MEF2A: variants seen among roughly 807,000 people sequenced by gnomAD.
MEF2A encodes the protein myocyte-specific enhancer factor 2A.
In MEF2A, 28 loss-of-function variants were observed where a neutral mutation model predicts 55.8. That is an observed-to-expected ratio of 0.50 (90% CI 0.37 to 0.69). MEF2A has a LOEUF of 0.69. Among genes scored for constraint, MEF2A ranks in the 30% least tolerant of loss-of-function variants. The pLI is 0.00. For missense variants in MEF2A, 528 were observed against 626.2 expected, an observed-to-expected ratio of 0.84 and a Z score of 1.67; for synonymous variants, 239 against 227.1, an observed-to-expected ratio of 1.05 and a Z score of -0.47.
intron 7 of MEF2A, chr15:99,678,707 A>T (rs898041223): frequency 2.0e-6 from 2 of 979,062 alleles, no homozygotes; most frequent in African/African-American, 3.5e-5. Flanking sequence ...GAACGAACTC[A>T]GGAAAGGCAA....
In MEF2A at chr15:99,714,635, C is replaced by T. The variant is rs964982819; in HGVS notation, c.*1864C>T. ...AACTAATGGATGATAGCAAGTTCAT[C>T]CACTTACTGGGCTTGTGCCATGAGC... On this transcript the variant is annotated 3_prime_UTR_variant, in exon 12 of 12. Coordinates refer to ENST00000557942, the MANE Select transcript of MEF2A (RefSeq NM_001319206.4). 4 of 152,146 alleles carry T rather than the reference C, an allele frequency of 2.6e-5. No homozygotes were observed. The highest frequency in any genetic ancestry group is 4.8e-5 in the African/African-American group (2 of 41,426). 9.4% of individuals were successfully genotyped at this position (152,146 alleles called of 1,614,324 possible).
intron 2 of MEF2A, among the ~76,000 whole-genome samples, chr15:99,620,383 A>G (rs559273678): frequency 1.2e-4 from 18 of 152,282 alleles, no homozygotes; most frequent in Admixed American, 1.1e-3. Context: ...GTTGTTCTCA[A>G]CTTTGTGTCT....
At chr15:99,668,544 G>A (rs955598542) in intron 4 of MEF2A, among the ~76,000 whole-genome samples, 4 of 152,194 alleles carry the variant, frequency 2.6e-5, no homozygotes, top group Admixed American at 6.5e-5. Context: ...CTTTAGAATG[G>A]ATTATAATGA....
Position 99,713,111 on chromosome 15 carries a change from C to G in MEF2A, c.*340C>G, listed in dbSNP as rs2058841787. 2 of 435,950 alleles carry G rather than the reference C, an allele frequency of 4.6e-6. No individual in the cohort carries two copies. Among genetic ancestry groups the G allele is most frequent in the Non-Finnish European group, 4.0e-6 (1 of 247,314 alleles). The allele number at this position is 435,950 out of a possible 1,614,324, so 27.0% of individuals were successfully genotyped here. The stretch of plus-strand genomic sequence containing the variant: ...GAAACGTGTACCCATATATAATTCT[C>G]CCACACTAGCTTGCAGAAACCTAGA... On this transcript the variant is annotated 3_prime_UTR_variant, in exon 12 of 12. Coordinates refer to ENST00000557942, the MANE Select transcript of MEF2A (RefSeq NM_001319206.4).
intron 3 of MEF2A, among the ~76,000 whole-genome samples, chr15:99,644,428 T>C (rs1397666479): frequency 1.3e-5 from 2 of 152,354 alleles, no homozygotes; most frequent in East Asian, 3.9e-4. Flanking sequence ...CATGTACGTA[T>C]TGTATCTGTA....
intron 2 of MEF2A, among the ~76,000 whole-genome samples, chr15:99,606,982 C>G (rs1202531380): frequency 6.6e-6 from 1 of 152,092 alleles, no homozygotes; most frequent in Admixed American, 6.6e-5. Flanking sequence ...TACTTTACAG[C>G]TGTAAAAATG....
intron 1 of MEF2A, among the ~76,000 whole-genome samples, chr15:99,593,313 G>C (rs1214343284): frequency 6.6e-6 from 1 of 152,140 alleles, no homozygotes; most frequent in African/African-American, 2.4e-5. Context: ...CCAAGCATTT[G>C]TAGAGACACT....
chr15:99,631,346 A>G (rs925310070), intron 2 of MEF2A, among the ~76,000 whole-genome samples: 26 of 152,202 alleles, frequency 1.7e-4, no homozygotes, highest in African/African-American at 6.0e-4. Flanking sequence ...GAAATATTCT[A>G]CAACACAGCC....
intron 7 of MEF2A, among the ~76,000 whole-genome samples, chr15:99,677,117 G>A (rs1220999674): frequency 1.3e-5 from 2 of 149,970 alleles, no homozygotes; most frequent in Admixed American, 1.3e-4. Flanking sequence ...GCAAAACGCT[G>A]TCTCAAAAAT....
chr15:99,712,921 G>GTGTA lies in MEF2A; in HGVS notation c.*151_*152insGTAT. 6 of 918,082 alleles carry GTGTA rather than the reference G, an allele frequency of 6.5e-6. No individual in the cohort carries two copies. Among genetic ancestry groups the GTGTA allele is most frequent in the Non-Finnish European group, 9.7e-6 (6 of 619,486 alleles). 56.9% of individuals were successfully genotyped at this position (918,082 alleles called of 1,614,324 possible). A position where few individuals can be genotyped will look rare whatever the true frequency, so the allele number is the denominator to read the frequency against. ...TATATATGTATGTGGGTGTGAGTGT[G>GTGTA]TATGTGTGGGTGTGTGTTACATACA... On this transcript the variant is annotated 3_prime_UTR_variant, in exon 12 of 12. Transcript: ENST00000557942. The surrounding 1 kb of genome is among the most constrained non-coding windows in gnomAD (Gnocchi z 4.1).
intron 9 of MEF2A, 86 bp from the exon 10 acceptor site, chr15:99,706,643 T>C: frequency 6.8e-7 from 1 of 1,477,760 alleles, no homozygotes; most frequent in South Asian, 1.1e-5. Context: ...TATGAAACTG[T>C]GAAAAATGTC....
chr15:99,656,308 G>A (rs139480615), intron 4 of MEF2A, among the ~76,000 whole-genome samples: 131 of 152,190 alleles, frequency 8.6e-4, no homozygotes, highest in Non-Finnish European at 1.6e-3. Flanking sequence ...AGAAGTAAAT[G>A]TACTTAAAAA....
At chr15:99,627,741 C>T (rs937086695) in intron 2 of MEF2A, among the ~76,000 whole-genome samples, 6 of 152,168 alleles carry the variant, frequency 3.9e-5, no homozygotes, top group Admixed American at 6.5e-5. Context: ...GAGCCATTGT[C>T]TTCCATGTGT....
At chr15:99,619,431 C>T (rs138428860) in intron 2 of MEF2A, among the ~76,000 whole-genome samples, 14 of 152,214 alleles carry the variant, frequency 9.2e-5, no homozygotes, top group Non-Finnish European at 1.6e-4. Context: ...TATTTACTGC[C>T]TAGTCTTCAG....
At chr15:99,699,420 T>G (rs1411342585) in intron 8 of MEF2A, among the ~76,000 whole-genome samples, 1 of 152,212 alleles carries the variant, frequency 6.6e-6, no homozygotes, top group East Asian at 1.9e-4. Context: ...TATAAAGGGT[T>G]AATAGGGAAT....
At position 99,671,371 on chromosome 15, in the gene MEF2A, G is replaced by T. The variant is rs1426990786; in HGVS notation, c.307G>T (p.Asp103Tyr). 6.2e-7 allele frequency: 1 copy of T among 1,613,594 alleles called. No individual in the cohort carries two copies. The highest frequency in any genetic ancestry group is 1.3e-5 in the African/African-American group (1 of 75,000). Residue 103 changes from aspartate (D) to tyrosine (Y), a missense_variant, in exon 5 of 12, where the codon GAT becomes TAT. By Grantham distance (160) the Asp-to-Tyr change is radical (BLOSUM62 -3). Transcript: ENST00000557942. ...TGGTTGTGAGAGCCCTGATGCTGAC[G>T]ATTACTTTGAGCACAGTCCACTCTC... is the stretch of plus-strand genomic sequence containing the variant. ...LNGCESPDAD[D>Y]YFEHSPLSED...
intron 7 of MEF2A, among the ~76,000 whole-genome samples, chr15:99,685,563 G>A (rs2054064322): frequency 6.6e-6 from 1 of 152,110 alleles, no homozygotes; most frequent in Non-Finnish European, 1.5e-5. Context: ...CAGTAAAGAT[G>A]TCATAGATGG....
Position 99,612,981 on chromosome 15 carries a change from C to T in MEF2A, c.-143+14470C>T, listed in dbSNP as rs1168405846. On this transcript the variant is annotated intron_variant, in intron 2 of 11. Transcript: ENST00000557942. ...AAGGAAACGGGAGAGAGAGATTTCT[C>T]TATGGAAATGAAGGCCATAAATGTG... is the stretch of plus-strand genomic sequence containing the variant. Among the ~76,000 whole-genome samples the T allele has an allele frequency of 3.3e-5, 5 of 151,500 alleles. No individual in the cohort carries two copies. The East Asian group carries it at 9.7e-4, about 29-fold the overall frequency.
Position 99,609,541 on chromosome 15 carries a change from T to C in MEF2A, c.-143+11030T>C, listed in dbSNP as rs1162488071. ...GTTTGTACGACATAATGTTGTATTT[T>C]AAAAACATATGATAATATAGCATGT... On this transcript the variant is annotated intron_variant, in intron 2 of 11. Coordinates refer to ENST00000557942, the MANE Select transcript of MEF2A (RefSeq NM_001319206.4). Among the ~76,000 whole-genome samples, 3 of 152,186 alleles carry C rather than the reference T, an allele frequency of 2.0e-5. No individual in the cohort carries two copies. The East Asian group carries it at 5.8e-4, about 29-fold the overall frequency.
Sources: gnomAD v4.1 joint callset for allele counts (sites outside exome capture counted in the v4.1 genomes callset) on GRCh38, gnomAD v4.1.1 for gene constraint, Gnocchi (gnomAD v3.1) non-coding constraint, MANE v1.5 for transcripts, NCBI Gene and HGNC (gene_info 2026-07-23, HGNC 2026-07-21) for gene names.